NXPE2: variants seen among roughly 807,000 people sequenced by gnomAD.
The protein encoded by NXPE2 is neurexophilin and PC-esterase domain family member 2.
NXPE2 carries 34 observed loss-of-function variants against 34.4 expected under a neutral mutation model. The observed-to-expected ratio is 0.99, with a 90% confidence interval of 0.75 to 1.31. The LOEUF (loss-of-function observed/expected upper bound fraction) is 1.31. Among genes scored for constraint, NXPE2 ranks in the 40% most tolerant of loss-of-function variants. The pLI, the probability that NXPE2 is intolerant of heterozygous loss-of-function variation, is 0.00. For missense variants in NXPE2, 649 were observed against 672.5 expected, an observed-to-expected ratio of 0.97 and a Z score of 0.39; for synonymous variants, 235 against 231.3, an observed-to-expected ratio of 1.02 and a Z score of -0.15.
the NXPE2 span, chr11:114,523,076 T>G: frequency 6.2e-7 from 1 of 1,612,574 alleles, no homozygotes; most frequent in Non-Finnish European, 8.5e-7. Flanking sequence ...GCATGTCTCT[T>G]CTATTTTTTC....
the NXPE2 span, among the ~76,000 whole-genome samples, chr11:114,604,169 C>T: frequency 1.3e-5 from 2 of 151,772 alleles, no homozygotes; most frequent in Non-Finnish European, 2.9e-5. Context: ...TATTGCCTCG[C>T]AGTTAACTAC....
At chr11:114,678,421 T>C (rs564976285), upstream of NXPE2, 48 of 589,820 alleles carry the variant, frequency 8.1e-5, no homozygotes, top group Middle Eastern at 1.3e-3. Context: ...ATAAGGGAGG[T>C]TTATGATTCC....
chr11:114,564,162 A>T, the NXPE2 span, among the ~76,000 whole-genome samples: 1 of 152,330 alleles, frequency 6.6e-6, no homozygotes, highest in African/African-American at 2.4e-5. Context: ...AGCAACCTGG[A>T]TAGAGTCGAA....
At chr11:114,686,523 G>C (rs1565382239) in intron 2 of NXPE2, among the ~76,000 whole-genome samples, 1 of 151,992 alleles carries the variant, frequency 6.6e-6, no homozygotes, top group Non-Finnish European at 1.5e-5. Context: ...CACCATTGTT[G>C]GGCACCTGGG....
chr11:114,493,311 T>A, the NXPE2 span, among the ~76,000 whole-genome samples: 10 of 152,206 alleles, frequency 6.6e-5, no homozygotes, highest in African/African-American at 2.4e-4. Flanking sequence ...TTCATTTACA[T>A]TCAATGTTAT....
At chr11:114,577,279 C>T in the NXPE2 span, among the ~76,000 whole-genome samples, 23 of 151,196 alleles carry the variant, frequency 1.5e-4, no homozygotes, top group Non-Finnish European at 2.8e-4. Context: ...GGCTATTATT[C>T]TAAGTGAAGT....
the NXPE2 span, among the ~76,000 whole-genome samples, chr11:114,625,152 G>T: frequency 6.6e-6 from 1 of 152,146 alleles, no homozygotes; most frequent in Non-Finnish European, 1.5e-5. Context: ...AATAAGTATT[G>T]CCTTGTGGGT....
chr11:114,625,294 C>A, the NXPE2 span, among the ~76,000 whole-genome samples: 85 of 152,238 alleles, frequency 5.6e-4, 1 homozygote, highest in East Asian at 7.5e-3. Context: ...TGCGTAACCA[C>A]AGTTACCCAG....
the NXPE2 span, among the ~76,000 whole-genome samples, chr11:114,808,484 A>AT: frequency 6.9e-6 from 1 of 145,848 alleles, no homozygotes; most frequent in Admixed American, 6.9e-5. Context: ...AGAATCAAAT[A>AT]GATGCAATAA....
the NXPE2 span, among the ~76,000 whole-genome samples, chr11:114,557,634 C>CATATATATAT: frequency 8.0e-4 from 103 of 128,426 alleles, no homozygotes; most frequent in East Asian, 1.5e-3. Flanking sequence ...ATATATAATA[C>CATATATATAT]ATATATATAT....
the NXPE2 span, among the ~76,000 whole-genome samples, chr11:114,598,687 TGGAGCAGCTGGGATGCAG>T: frequency 2.0e-5 from 3 of 152,062 alleles, no homozygotes; most frequent in Admixed American, 2.0e-4. Context: ...TGGCTGGAGC[TGGAGCAGCTGGGATGCAG>T]GGACCAGTGT....
chr11:114,521,973 A>G, the NXPE2 span: 1 of 1,608,038 alleles, frequency 6.2e-7, no homozygotes, highest in Non-Finnish European at 8.5e-7. Context: ...ATCCCTTAGC[A>G]AATGTAGTTT....
chr11:114,760,564 C>T, the NXPE2 span, among the ~76,000 whole-genome samples: 2 of 152,120 alleles, frequency 1.3e-5, no homozygotes, highest in Admixed American at 6.5e-5. Flanking sequence ...TCAGAAGCTC[C>T]TTAAGTATTT....
chr11:114,545,910 C>T, the NXPE2 span, among the ~76,000 whole-genome samples: 11 of 151,944 alleles, frequency 7.2e-5, no homozygotes, highest in East Asian at 1.9e-4. Flanking sequence ...AGGATGGTCT[C>T]GATAGCTTGA....
chr11:114,470,509 T>G, the NXPE2 span, among the ~76,000 whole-genome samples: 2 of 152,114 alleles, frequency 1.3e-5, no homozygotes, highest in African/African-American at 4.8e-5. Flanking sequence ...TCTTTGGTGA[T>G]ATGTCTGTCC....
chr11:114,661,825 A>G, the NXPE2 span, among the ~76,000 whole-genome samples: 1 of 152,226 alleles, frequency 6.6e-6, no homozygotes, highest in African/African-American at 2.4e-5. Flanking sequence ...AAAGATAGAC[A>G]CAGAGGTTGA....
At chr11:114,650,936 G>T in the NXPE2 span, among the ~76,000 whole-genome samples, 1 of 152,080 alleles carries the variant, frequency 6.6e-6, no homozygotes, top group Non-Finnish European at 1.5e-5. Context: ...TAACAGAGAT[G>T]GCTGAGAGCA....
the NXPE2 span, among the ~76,000 whole-genome samples, chr11:114,539,872 T>C: frequency 6.6e-6 from 1 of 152,262 alleles, no homozygotes; most frequent in South Asian, 2.1e-4. Flanking sequence ...TCGTAAATTG[T>C]ATCAAGAAAA....
the NXPE2 span, among the ~76,000 whole-genome samples, chr11:114,573,927 T>C: frequency 6.6e-6 from 1 of 152,052 alleles, no homozygotes; most frequent in African/African-American, 2.4e-5. Flanking sequence ...TATCAGCACA[T>C]GGAACATTCT....
Sources: allele counts gnomAD v4.1 joint callset (sites outside exome capture counted in the v4.1 genomes callset), GRCh38; gene constraint gnomAD v4.1.1; transcripts MANE v1.5; gene names NCBI Gene and HGNC (gene_info 2026-07-23, HGNC 2026-07-21).